MINDY4: variants seen among roughly 807,000 people sequenced by gnomAD.
MINDY4 encodes probable ubiquitin carboxyl-terminal hydrolase MINDY-4.
In MINDY4, 68 loss-of-function variants were observed where a neutral mutation model predicts 87.0. The ratio of observed to expected loss-of-function variants is 0.78; its 90% CI spans 0.64 to 0.96. MINDY4 has a LOEUF of 0.96. MINDY4 is among the 40% of genes least tolerant of loss of function. MINDY4 has a pLI of 0.00. For synonymous variants in MINDY4, 379 were observed against 363.2 expected, an observed-to-expected ratio of 1.04 and a Z score of -0.50; for missense variants, 919 against 928.2, an observed-to-expected ratio of 0.99 and a Z score of 0.13.
At chr7:30,797,574 GA>G (rs904707167) in intron 5 of MINDY4, among the ~76,000 whole-genome samples, 2 of 152,026 alleles carry the variant, frequency 1.3e-5, no homozygotes, top group Non-Finnish European at 2.9e-5. Context: ...AGGGAGAGAG[GA>G]AAAAAAGCAA....
At chr7:30,804,905 G>A (rs577589867) in intron 5 of MINDY4, among the ~76,000 whole-genome samples, 1 of 152,198 alleles carries the variant, frequency 6.6e-6, no homozygotes, top group African/African-American at 2.4e-5. Context: ...ATCCCAAGCC[G>A]AGGGGATGCT....
chr7:30,774,074 G>A (rs1420643328), intron 1 of MINDY4, among the ~76,000 whole-genome samples: 3 of 152,256 alleles, frequency 2.0e-5, no homozygotes, highest in Middle Eastern at 6.8e-3. Context: ...TAAATCCATG[G>A]CCACTCACCC....
chr7:30,779,154 C>T (rs1019516219), intron 2 of MINDY4, among the ~76,000 whole-genome samples: 11 of 152,134 alleles, frequency 7.2e-5, no homozygotes, highest in African/African-American at 2.2e-4. Context: ...CTCTAGTTTT[C>T]CTGTTTTTGT....
intron 5 of MINDY4, among the ~76,000 whole-genome samples, chr7:30,812,747 AC>A (rs963653550): frequency 1.3e-4 from 20 of 151,624 alleles, no homozygotes; most frequent in Non-Finnish European, 2.8e-4. Context: ...GCTGATTCCC[AC>A]CCCCCTTTTC....
At chr7:30,868,745 T>C (rs1031249870) in intron 13 of MINDY4, among the ~76,000 whole-genome samples, 1 of 152,230 alleles carries the variant, frequency 6.6e-6, no homozygotes, top group Non-Finnish European at 1.5e-5. Flanking sequence ...TTGGGAGGTT[T>C]GGTCCTTGCT....
intron 4 of MINDY4, among the ~76,000 whole-genome samples, chr7:30,789,423 G>A (rs11768076): frequency 0.3 from 45,435 of 152,126 alleles, 7,105 homozygotes; most frequent in Non-Finnish European, 0.32. Context: ...TGTGGCCTTT[G>A]AGTACCTTGG....
chr7:30,809,812 G>A (rs1028044365), intron 5 of MINDY4, among the ~76,000 whole-genome samples: 2 of 151,946 alleles, frequency 1.3e-5, no homozygotes, highest in African/African-American at 2.4e-5. Flanking sequence ...AAAAAGGGGG[G>A]CAGAATTTAT....
chr7:30,881,170 G>A (rs1194034016), intron 15 of MINDY4, among the ~76,000 whole-genome samples: 1 of 152,196 alleles, frequency 6.6e-6, no homozygotes, highest in Non-Finnish European at 1.5e-5. Flanking sequence ...AGGGCCCAGG[G>A]TCAGGAGAGG....
intron 1 of MINDY4, among the ~76,000 whole-genome samples, chr7:30,774,938 A>T (rs1786763042): frequency 1.3e-5 from 2 of 151,820 alleles, no homozygotes; most frequent in South Asian, 2.1e-4. Context: ...ACAATTCCCA[A>T]ATGTCTATCT....
intron 5 of MINDY4, among the ~76,000 whole-genome samples, chr7:30,800,840 C>G (rs948029198): frequency 1.3e-5 from 2 of 152,218 alleles, no homozygotes; most frequent in Non-Finnish European, 2.9e-5. Flanking sequence ...ACTCCTCTGA[C>G]ACTGGGGATG....
chr7:30,834,261 G>A (rs949429320), intron 6 of MINDY4, among the ~76,000 whole-genome samples: 2 of 152,330 alleles, frequency 1.3e-5, no homozygotes, highest in East Asian at 1.9e-4. Flanking sequence ...AAATCTAGGC[G>A]GAGGTTCCCA....
At chr7:30,858,282 C>T (rs1408400255) in intron 12 of MINDY4, 1 of 152,230 alleles carries the variant, frequency 6.6e-6, no homozygotes, top group African/African-American at 2.4e-5. Flanking sequence ...TTTGTTTTAA[C>T]AGCTAACACA....
At position 30,892,027 on chromosome 7, in the gene MINDY4, T is replaced by G; in HGVS notation, c.*22T>G. The G allele has an allele frequency of 1.2e-6, 2 of 1,613,784 alleles. No individual in the cohort carries two copies. The highest frequency in any genetic ancestry group is 1.7e-6 in the Non-Finnish European group (2 of 1,179,670). On this transcript the variant is annotated 3_prime_UTR_variant, in exon 18 of 18. Transcript: ENST00000265299. ...GTGACCGTTGGATGTGGGTAAACCC[T>G]GTGGTCCACCACTCATCACCTCATC...
chr7:30,805,960 G>A (rs1710149127), intron 5 of MINDY4, among the ~76,000 whole-genome samples: 2 of 152,276 alleles, frequency 1.3e-5, no homozygotes, highest in South Asian at 2.1e-4. Flanking sequence ...GGTGGGGCCC[G>A]GAAGGGGACA....
chr7:30,790,966 G>T (rs1253382853), intron 4 of MINDY4, among the ~76,000 whole-genome samples, 199 bp from the exon 5 acceptor site: 1 of 152,204 alleles, frequency 6.6e-6, no homozygotes, highest in Non-Finnish European at 1.5e-5. Flanking sequence ...CAGGCGGGGT[G>T]TGCATCACTG....
At chr7:30,838,421 C>A (rs147822913) in intron 7 of MINDY4, among the ~76,000 whole-genome samples, 1 of 152,084 alleles carries the variant, frequency 6.6e-6, no homozygotes, top group East Asian at 1.9e-4. Flanking sequence ...GAGGTTCTTA[C>A]GCATGGTAGA....
intron 1 of MINDY4, among the ~76,000 whole-genome samples, chr7:30,773,161 CAGAG>C (rs1786697157): frequency 6.6e-6 from 1 of 152,206 alleles, no homozygotes; most frequent in Admixed American, 6.5e-5. Flanking sequence ...TGCTCTAGGG[CAGAG>C]ACCACGTGCT....
At chr7:30,884,948 T>C (rs1048930005) in intron 17 of MINDY4, among the ~76,000 whole-genome samples, 4 of 152,162 alleles carry the variant, frequency 2.6e-5, no homozygotes, top group Non-Finnish European at 5.9e-5. Context: ...CCCTGCCCCT[T>C]GTTCACTTGC....
Position 30,849,482 on chromosome 7 carries a change from A to G in MINDY4, c.1446-972A>G, listed in dbSNP as rs1179024113. Among the ~76,000 whole-genome samples the G allele has an allele frequency of 5.3e-5, 8 of 152,200 alleles. No individual in the cohort carries two copies. The East Asian group carries it at 1.5e-3, about 29-fold the overall frequency. ...TATTCGGCTGTTTCCCTTCCCTCTCATTCAGTTCAGGCACCAGGGACCTCT... is the reference window on the plus strand; with the variant it reads ...TATTCGGCTGTTTCCCTTCCCTCTCGTTCAGTTCAGGCACCAGGGACCTCT... On this transcript the variant is annotated intron_variant, in intron 9 of 17. Coordinates refer to ENST00000265299, the MANE Select transcript of MINDY4 (RefSeq NM_032222.3).
Sources: gnomAD v4.1 joint callset for allele counts (sites outside exome capture counted in the v4.1 genomes callset) on GRCh38, gnomAD v4.1.1 for gene constraint, MANE v1.5 for transcripts, NCBI Gene and HGNC (gene_info 2026-07-23, HGNC 2026-07-21) for gene names.